CDK11A: variants seen among roughly 807,000 people sequenced by gnomAD.
CDK11A encodes the protein cyclin dependent kinase 11A.
A neutral mutation model predicts 83.6 loss-of-function variants in CDK11A; 55 were observed. The ratio of observed to expected loss-of-function variants is 0.66; its 90% CI spans 0.53 to 0.82. CDK11A has a LOEUF of 0.82. Ranked by LOEUF, CDK11A falls within the 40% of genes least tolerant of loss-of-function variation. The pLI is 0.00. For missense variants in CDK11A, 564 were observed against 810.1 expected, an observed-to-expected ratio of 0.70 and a Z score of 3.69; for synonymous variants, 247 against 302.7, an observed-to-expected ratio of 0.82 and a Z score of 1.91.
At chr1:1,717,924 C>T (rs566109493) in intron 4 of CDK11A, among the ~76,000 whole-genome samples, 6 of 150,602 alleles carry the variant, frequency 4.0e-5, no homozygotes, top group African/African-American at 1.5e-4. Flanking sequence ...CACATGCATG[C>T]TTTCAGCTAG....
chr1:1,715,917 G>C (rs1217754145), intron 5 of CDK11A, among the ~76,000 whole-genome samples: 2 of 150,870 alleles, frequency 1.3e-5, no homozygotes, highest in Non-Finnish European at 3.0e-5. Flanking sequence ...ACTGTTTCAA[G>C]GTTTTTGGGA....
chr1:1,718,187 T>G (rs1409880011), intron 4 of CDK11A, among the ~76,000 whole-genome samples: 1 of 131,794 alleles, frequency 7.6e-6, no homozygotes, highest in Non-Finnish European at 1.6e-5. Context: ...GACACACGCA[T>G]GCTTTCAGCT....
intron 2 of CDK11A, among the ~76,000 whole-genome samples, chr1:1,722,280 A>C (rs1384827936): frequency 1.3e-5 from 2 of 150,834 alleles, no homozygotes; most frequent in African/African-American, 2.4e-5. Flanking sequence ...AAATCTTAGC[A>C]AAAGAGGTAC....
In CDK11A at chr1:1,704,347, G is replaced by A. The variant is rs778557428; in HGVS notation, c.1565-3C>T. ...GATCATCAGGGTCTTCACCTCCCCT[G>A]GGAGGGAGGGAGGCTCCCATGTGGA... On this transcript the variant is annotated splice_polypyrimidine_tract_variant and splice_region_variant and intron_variant, in intron 14 of 19. Coordinates refer to ENST00000404249, the MANE Select transcript of CDK11A (RefSeq NM_024011.4). 3 of 1,603,900 alleles carry A rather than the reference G, an allele frequency of 1.9e-6. No homozygotes were observed. The highest frequency in any genetic ancestry group is 2.2e-5 in the South Asian group (2 of 90,464).
intron 6 of CDK11A, among the ~76,000 whole-genome samples, chr1:1,710,316 C>CT (rs538775778): frequency 0.024 from 338 of 14,010 alleles, 3 homozygotes; most frequent in African/African-American, 0.045. Flanking sequence ...TCTATTCCCC[C>CT]TTTAGGAGGC....
In CDK11A at chr1:1,718,336, G is replaced by A. The variant is rs1413394836; in HGVS notation, c.355+992C>T. On this transcript the variant is annotated intron_variant, in intron 4 of 19. Coordinates refer to ENST00000404249, the MANE Select transcript of CDK11A (RefSeq NM_024011.4). ...ATTCTCTCTATAGCCCCTCTGAACG[G>A]TCTGTGACACACGCATGCTTTCAGC... Among the ~76,000 whole-genome samples, 4 of 149,948 alleles carry A rather than the reference G, an allele frequency of 2.7e-5. 1 individual carries two copies. The highest frequency in any genetic ancestry group is 1.3e-4 in the Admixed American group (2 of 14,916).
chr1:1,721,735 T>A lies in CDK11A; in HGVS notation c.112-24A>T, dbSNP rs561679412. On this transcript the variant is annotated intron_variant, in intron 2 of 19. Transcript: ENST00000404249. Reference sequence around the variant, plus strand: ...GACTAAGAAGCAAAGAGAAAGTTAATCATTTTCTTTATAAGTTTTTTTTTC... The same window carrying A: ...GACTAAGAAGCAAAGAGAAAGTTAAACATTTTCTTTATAAGTTTTTTTTTC... 3 of 1,528,580 alleles carry A rather than the reference T, an allele frequency of 2.0e-6. No individual in the cohort carries two copies. In the South Asian group the frequency reaches 3.6e-5, roughly 18 times the overall value. 94.7% of individuals were successfully genotyped at this position (1,528,580 alleles called of 1,614,324 possible). A position where few individuals can be genotyped will look rare whatever the true frequency, so the allele number is the denominator to read the frequency against.
Position 1,703,757 on chromosome 1 carries a change from G to A in CDK11A, c.1911+67C>T, listed in dbSNP as rs555293215. 1.9e-4 allele frequency: 295 copies of A among 1,586,242 alleles called. 12 individuals are homozygous for A. In the African/African-American group the frequency reaches 2.7e-3, roughly 14 times the overall value. ...CCCCATCTCAACCCAGCACCTGTGCGCCCCGCAGCCCCATTCCTGCAACTC... is the reference window on the plus strand; with the variant it reads ...CCCCATCTCAACCCAGCACCTGTGCACCCCGCAGCCCCATTCCTGCAACTC... On this transcript the variant is annotated intron_variant, in intron 17 of 19. Coordinates refer to ENST00000404249, the MANE Select transcript of CDK11A (RefSeq NM_024011.4).
intron 5 of CDK11A, 84 bp downstream of exon 5, chr1:1,716,262 A>C: frequency 1.0e-5 from 15 of 1,455,448 alleles, no homozygotes; most frequent in African/African-American, 1.4e-5. Flanking sequence ...TGTGACTTCT[A>C]TTGCCAAATT....
At chr1:1,716,918 T>C (rs1644683048) in intron 4 of CDK11A, among the ~76,000 whole-genome samples, 2 of 125,820 alleles carry the variant, frequency 1.6e-5, no homozygotes, top group South Asian at 5.3e-4. Flanking sequence ...GTAATCCTAA[T>C]CTTTTTTTTT....
intron 4 of CDK11A, among the ~76,000 whole-genome samples, chr1:1,717,245 C>T (rs72909020): frequency 6.8e-4 from 102 of 150,992 alleles, no homozygotes; most frequent in African/African-American, 2.4e-3. Context: ...AATACAAAAA[C>T]CACTCTTCAC....
rs1211267363 is a variant in CDK11A at position 1,702,952 on chromosome 1, G to C, written c.2298C>G (p.Asn766Lys). The change falls in exon 20 of 20, where the codon AAC becomes AAG. Residue 766 changes from asparagine (N) to lysine (K), a missense_variant. Physicochemically the swap from Asn to Lys is moderately conservative, Grantham distance 94. Coordinates refer to ENST00000404249, the MANE Select transcript of CDK11A (RefSeq NM_024011.4). ...CGGGGCCCGCGGCAGAGGCCCCCTG[G>C]TTCGTGGTGGTAAGGTGGAAGCCCG... is the stretch of plus-strand genomic sequence containing the variant. ...KETGFHLTTT[N>K]QGASAAGPGF... The C allele has an allele frequency of 2.1e-6, 1 of 483,440 alleles. No homozygotes were observed. The highest frequency in any genetic ancestry group is 2.1e-5 in the South Asian group (1 of 46,562). 29.9% of individuals were successfully genotyped at this position (483,440 alleles called of 1,614,324 possible).
At position 1,702,643 on chromosome 1, in the gene CDK11A, G is replaced by A. The variant is rs1384674752; in HGVS notation, c.*264C>T. The A allele has an allele frequency of 1.6e-5, 9 of 547,200 alleles. No homozygotes were observed. Among genetic ancestry groups the A allele is most frequent in the African/African-American group, 9.4e-5 (5 of 53,142 alleles). 33.9% of individuals were successfully genotyped at this position (547,200 alleles called of 1,614,324 possible). On this transcript the variant is annotated 3_prime_UTR_variant, in exon 20 of 20. Transcript: ENST00000404249. ...CGGCCCAGCCAGCCCCGTGCGTGTC[G>A]AGAGTGGGAGAGGGTGTGTGGAGGT...
intron 3 of CDK11A, among the ~76,000 whole-genome samples, chr1:1,720,190 GTTCA>G (rs1312129530): frequency 6.7e-6 from 1 of 149,174 alleles, no homozygotes; most frequent in Non-Finnish European, 1.5e-5. Flanking sequence ...TACCTCCTGG[GTTCA>G]TGCCATTCTC....
Position 1,704,697 on chromosome 1 carries a change from C to G in CDK11A, c.1459-42G>C, listed in dbSNP as rs1182477164. On this transcript the variant is annotated intron_variant, in intron 13 of 19. Coordinates refer to ENST00000404249, the MANE Select transcript of CDK11A (RefSeq NM_024011.4). ...TGTGGGTGCTGGGCACCTCCAGGCC[C>G]CCACCCACCCCTGCACCCGGGCGCA... is the stretch of plus-strand genomic sequence containing the variant. The G allele has an allele frequency of 1.9e-6, 3 of 1,595,256 alleles. 1 individual carries two copies. Among genetic ancestry groups the G allele is most frequent in the Non-Finnish European group, 2.6e-6 (3 of 1,169,406 alleles).
chr1:1,704,214 G>T lies in CDK11A; in HGVS notation c.1686+9C>A, dbSNP rs1192122540. On this transcript the variant is annotated intron_variant, in intron 15 of 19. Coordinates refer to ENST00000404249, the MANE Select transcript of CDK11A (RefSeq NM_024011.4). ...CACCCTGGGATGGGCCACTCGGAGG[G>T]GGGCTCACCTTGAGGATGCCGGCGT... 1 of 1,608,284 alleles carries T rather than the reference G, an allele frequency of 6.2e-7. No homozygotes were observed. The highest frequency in any genetic ancestry group is 1.1e-5 in the South Asian group (1 of 90,708).
chr1:1,703,892 C>T lies in CDK11A; in HGVS notation c.1843G>A (p.Glu615Lys), dbSNP rs760098796. Reference sequence around the variant, plus strand: ...AACAGAGGCTTCTGAGTCAGCAGCTCCCCGAAGATGCAGCCCACTGACCAC... The same window carrying T: ...AACAGAGGCTTCTGAGTCAGCAGCTTCCCGAAGATGCAGCCCACTGACCAC... The part of the protein sequence containing the change: ...DMWSVGCIFG[E>K]LLTQKPLFPG... Residue 615 changes from glutamate (E) to lysine (K), a missense_variant, in exon 17 of 20, where the codon GAG (glutamate) becomes AAG (lysine). Coordinates refer to ENST00000404249, the MANE Select transcript of CDK11A (RefSeq NM_024011.4). 2.3e-5 allele frequency: 37 copies of T among 1,609,628 alleles called. 1 individual carries two copies. Among genetic ancestry groups the T allele is most frequent in the Non-Finnish European group, 3.0e-5 (35 of 1,176,970 alleles).
In CDK11A at chr1:1,721,659, T is replaced by A. The variant is rs1644911269; in HGVS notation, c.164A>T (p.Asp55Val). 3.1e-6 allele frequency: 5 copies of A among 1,602,226 alleles called. 1 individual carries two copies. The highest frequency in any genetic ancestry group is 4.3e-6 in the Non-Finnish European group (5 of 1,170,284). Residue 55 changes from aspartate (D) to valine (V), a missense_variant, in exon 3 of 20, where the codon GAT becomes GTT. This residue lies in a region of CDK11A where 151 missense variants were observed against 147.4 expected (regional missense o/e 1.02). Transcript: ENST00000404249. ...RDSLEEGELR[D>V]HCMEITIRNS... The stretch of plus-strand genomic sequence containing the variant: ...CCTTATTGTGATCTCCATGCAGTGA[T>A]CTCTCAGCTCCCCCTCCTCAAGGGA...
In CDK11A at chr1:1,717,376, C is replaced by G. The variant is rs1044816392; in HGVS notation, c.356-898G>C. Among the ~76,000 whole-genome samples the G allele has an allele frequency of 6.6e-5, 10 of 150,538 alleles. 1 individual carries two copies. The highest frequency in any genetic ancestry group is 2.4e-4 in the African/African-American group (10 of 41,056). ...CAATCGGGCTCCAGGTCCAATTTTC[C>G]TAACACCCGTAAGAATCTCCTGATG... On this transcript the variant is annotated intron_variant, in intron 4 of 19. Coordinates refer to ENST00000404249, the MANE Select transcript of CDK11A (RefSeq NM_024011.4).
Sources: gnomAD v4.1 joint callset for allele counts (sites outside exome capture counted in the v4.1 genomes callset) on GRCh38, gnomAD v4.1.1 for gene constraint, gnomAD v4.1.1 regional missense constraint, MANE v1.5 for transcripts, NCBI Gene and HGNC (gene_info 2026-07-23, HGNC 2026-07-21) for gene names.